TBL1XR1: variants seen among roughly 807,000 people sequenced by gnomAD.
The protein encoded by TBL1XR1 is TBL1X/Y related 1.
In TBL1XR1, 5 loss-of-function variants were observed where a neutral mutation model predicts 66.9. The ratio of observed to expected loss-of-function variants is 0.07; its 90% CI spans 0.04 to 0.16. TBL1XR1 has a LOEUF of 0.16. TBL1XR1 is among the 10% of genes least tolerant of loss of function. The pLI, the probability that TBL1XR1 is intolerant of heterozygous loss-of-function variation, is 1.00. For synonymous variants in TBL1XR1, 210 were observed against 206.0 expected (o/e 1.02, Z -0.17); for missense variants, 238 against 623.2 (o/e 0.38, Z 6.58).
intron 1 of TBL1XR1, among the ~76,000 whole-genome samples, chr3:177,120,012 T>C (rs958208041): frequency 1.3e-5 from 2 of 152,186 alleles, no homozygotes; most frequent in Admixed American, 1.3e-4. Context: ...CCAGCAGGTG[T>C]CTCACCAACC....
intron 2 of TBL1XR1, among the ~76,000 whole-genome samples, chr3:177,067,820 C>T (rs1317666451): frequency 2.0e-5 from 3 of 152,110 alleles, no homozygotes; most frequent in Admixed American, 6.6e-5. Context: ...CTTAATAAGG[C>T]TTTGCAGAAC....
At chr3:177,164,801 A>C (rs557433591) in intron 1 of TBL1XR1, among the ~76,000 whole-genome samples, 2 of 152,356 alleles carry the variant, frequency 1.3e-5, no homozygotes, top group Non-Finnish European at 2.9e-5. Context: ...AATTTCAATG[A>C]CATTTTTCAC....
At chr3:177,088,717 A>AG (rs1395026872) in intron 2 of TBL1XR1, among the ~76,000 whole-genome samples, 6 of 144,168 alleles carry the variant, frequency 4.2e-5, no homozygotes, top group African/African-American at 1.5e-4. Flanking sequence ...GTTTAAAAAA[A>AG]AAAAAAAGAA....
At chr3:177,165,534 G>A (rs977263367) in intron 1 of TBL1XR1, among the ~76,000 whole-genome samples, 1 of 152,128 alleles carries the variant, frequency 6.6e-6, no homozygotes, top group African/African-American at 2.4e-5. Flanking sequence ...AGAACAAAGT[G>A]AAAGGATTTG....
chr3:177,103,138 C>A (rs1724430023), intron 1 of TBL1XR1, among the ~76,000 whole-genome samples: 1 of 152,158 alleles, frequency 6.6e-6, no homozygotes, highest in African/African-American at 2.4e-5. Flanking sequence ...GAAGGAAAAA[C>A]TCACCAGTGG....
chr3:177,112,056 A>G (rs1354112911), intron 1 of TBL1XR1, among the ~76,000 whole-genome samples: 1 of 134,098 alleles, frequency 7.5e-6, no homozygotes, highest in Non-Finnish European at 1.6e-5. Context: ...GAAATAAGAC[A>G]ACAAAGATAT....
At chr3:177,111,397 C>T (rs1452393826) in intron 1 of TBL1XR1, among the ~76,000 whole-genome samples, 3 of 151,878 alleles carry the variant, frequency 2.0e-5, no homozygotes, top group Admixed American at 6.6e-5. Flanking sequence ...CTCAGCCTCC[C>T]GAGTAGCTGG....
chr3:177,101,252 T>C (rs542313549), intron 1 of TBL1XR1, among the ~76,000 whole-genome samples: 69 of 152,348 alleles, frequency 4.5e-4, no homozygotes, highest in African/African-American at 1.3e-3. Context: ...GGCTCCGCCA[T>C]TGGCTTGTTT....
At chr3:177,099,666 A>G (rs1723949184) in intron 1 of TBL1XR1, among the ~76,000 whole-genome samples, 1 of 152,256 alleles carries the variant, frequency 6.6e-6, no homozygotes, top group African/African-American at 2.4e-5. Context: ...GCCTAGAGGC[A>G]CTTATGAGCT....
Position 177,137,010 on chromosome 3 carries a change from G to A in TBL1XR1, c.-121-38469C>T, listed in dbSNP as rs551304996. Among the ~76,000 whole-genome samples, 7 of 152,224 alleles carry A rather than the reference G, an allele frequency of 4.6e-5. No homozygotes were observed. In the South Asian group the frequency reaches 1.4e-3, roughly 32 times the overall value. ...ACGTATAACCTTATATACAGAAAAA[G>A]CACTCAGCAAGTGACGGCAAGCAAT... On this transcript the variant is annotated intron_variant, in intron 1 of 15. Transcript: ENST00000457928.
At chr3:177,101,051 C>T (rs554147505) in intron 1 of TBL1XR1, among the ~76,000 whole-genome samples, 80 of 152,034 alleles carry the variant, frequency 5.3e-4, no homozygotes, top group African/African-American at 1.9e-3. Flanking sequence ...AGACGGGGGT[C>T]TCTCCATGTT....
chr3:177,183,088 AG>A (rs1735017984), intron 1 of TBL1XR1, among the ~76,000 whole-genome samples: 1 of 152,218 alleles, frequency 6.6e-6, no homozygotes. Context: ...ATACAGCTTC[AG>A]AATACAACCT....
chr3:177,146,275 C>T (rs1205260888), intron 1 of TBL1XR1, among the ~76,000 whole-genome samples: 2 of 151,904 alleles, frequency 1.3e-5, no homozygotes, highest in African/African-American at 4.8e-5. Context: ...AGTTTTCTGG[C>T]TTTCATATGA....
intron 1 of TBL1XR1, among the ~76,000 whole-genome samples, chr3:177,131,011 T>C (rs1401375053): frequency 1.3e-5 from 2 of 152,092 alleles, no homozygotes; most frequent in Non-Finnish European, 2.9e-5. Flanking sequence ...TAAAAAATTT[T>C]AAAACGTACT....
chr3:177,025,619 G>T, intron 15 of TBL1XR1, 95 bp from the exon 16 acceptor site: 1 of 1,202,122 alleles, frequency 8.3e-7, no homozygotes, highest in Non-Finnish European at 1.2e-6. Context: ...ATGTTTCTTA[G>T]TTCCAAGTTT....
intron 14 of TBL1XR1, among the ~76,000 whole-genome samples, chr3:177,030,149 GAC>G (rs61010104): frequency 1.4e-5 from 2 of 147,558 alleles, no homozygotes; most frequent in Non-Finnish European, 3.0e-5. Flanking sequence ...GAGAGAGAGA[GAC>G]AGACACACAC....
At chr3:177,186,942 G>A (rs181766905) in intron 1 of TBL1XR1, among the ~76,000 whole-genome samples, 114 of 152,012 alleles carry the variant, frequency 7.5e-4, no homozygotes, top group Non-Finnish European at 1.2e-3. Context: ...CGAGGCGGGC[G>A]GATCACAAGG....
chr3:177,050,319 A>T (rs1716886367), intron 6 of TBL1XR1, among the ~76,000 whole-genome samples, 159 bp downstream of exon 6: 2 of 152,254 alleles, frequency 1.3e-5, no homozygotes, highest in African/African-American at 2.4e-5. Context: ...TAGTAAGTTT[A>T]ATTAAAAATT....
chr3:177,139,443 G>A (rs2108813834), intron 1 of TBL1XR1, among the ~76,000 whole-genome samples: 1 of 152,170 alleles, frequency 6.6e-6, no homozygotes, highest in East Asian at 1.9e-4. Context: ...GCTGAGGCAG[G>A]AGAATCGCTT....
Sources: allele counts gnomAD v4.1 joint callset (sites outside exome capture counted in the v4.1 genomes callset), GRCh38; gene constraint gnomAD v4.1.1; transcripts MANE v1.5; gene names NCBI Gene and HGNC (gene_info 2026-07-23, HGNC 2026-07-21).